HPD: variants seen among roughly 807,000 people sequenced by gnomAD.
HPD encodes 4-hydroxyphenylpyruvic acid oxidase.
HPD carries 35 observed loss-of-function variants against 56.9 expected under a neutral mutation model. The ratio of observed to expected loss-of-function variants is 0.62; its 90% CI spans 0.47 to 0.82. HPD has a LOEUF of 0.82. HPD is among the 40% of genes least tolerant of loss of function. The probability of loss-of-function intolerance (pLI) is 0.00; values close to 1 mark genes in which losing one functional copy is unlikely to be tolerated. For synonymous variants in HPD, 186 were observed against 200.2 expected, an observed-to-expected ratio of 0.93 and a Z score of 0.60; for missense variants, 442 against 506.8, an observed-to-expected ratio of 0.87 and a Z score of 1.23.
upstream of HPD, chr12:121,859,225 G>T: frequency 3.0e-6 from 1 of 332,302 alleles, no homozygotes; most frequent in South Asian, 2.8e-5. Flanking sequence ...TTGGAGACTG[G>T]CCCCAAAGTC....
chr12:121,872,312 C>T, the HPD span, among the ~76,000 whole-genome samples: 1,322 of 150,960 alleles, frequency 8.8e-3, 15 homozygotes, highest in African/African-American at 0.029. Flanking sequence ...CTGCAACCTC[C>T]GCCTCCCAGC....
rs1455892391 is a variant in HPD at position 121,851,958 on chromosome 12, C to T, written c.415-2168G>A. Among the ~76,000 whole-genome samples, 8 of 6,742 alleles carry T rather than the reference C, an allele frequency of 1.2e-3. 4 individuals carry two copies. The South Asian group carries it at 0.039, about 33-fold the overall frequency. 4.4% of individuals were successfully genotyped at this position (6,742 alleles called of 152,430 possible). A position where few individuals can be genotyped will look rare whatever the true frequency, so the allele number is the denominator to read the frequency against. On this transcript the variant is annotated intron_variant, in intron 7 of 13. Coordinates refer to ENST00000289004, the MANE Select transcript of HPD (RefSeq NM_002150.3). Reference sequence around the variant, plus strand: ...CAGGATGGTCTCGATCTCCTGACCTCGTGATCCGCCCGCCTCGGCCTCCCA... The same window carrying T: ...CAGGATGGTCTCGATCTCCTGACCTTGTGATCCGCCCGCCTCGGCCTCCCA...
At chr12:121,858,240 C>T (rs936093991) in intron 2 of HPD, among the ~76,000 whole-genome samples, 5 of 152,118 alleles carry the variant, frequency 3.3e-5, no homozygotes, top group African/African-American at 1.2e-4. Context: ...AATCTTGGCT[C>T]ACTGCAACTT....
At chr12:121,884,354 G>A in the HPD span, among the ~76,000 whole-genome samples, 4 of 151,964 alleles carry the variant, frequency 2.6e-5, no homozygotes, top group South Asian at 8.3e-4. Flanking sequence ...CTAGAGATGG[G>A]GTTTTACTAT....
At chr12:121,840,317 T>C (rs1013748572) in intron 12 of HPD, among the ~76,000 whole-genome samples, 1 of 152,168 alleles carries the variant, frequency 6.6e-6, no homozygotes, top group African/African-American at 2.4e-5. Context: ...TTTTTCTTTT[T>C]TGAGACGGAG....
chr12:121,858,868 A>T, upstream of HPD: 1 of 1,612,730 alleles, frequency 6.2e-7, no homozygotes. Context: ...AGGCCTGGGG[A>T]GTGCTGGGCC....
In HPD at chr12:121,857,335, T is replaced by C; in HGVS notation, c.191A>G (p.Gln64Arg). Residue 64 changes from glutamine to arginine, a missense_variant, in exon 4 of 14, where the codon CAA becomes CGA. By Grantham distance (43) the Gln-to-Arg change is conservative (BLOSUM62 1). Coordinates refer to ENST00000289004, the MANE Select transcript of HPD (RefSeq NM_002150.3). The part of the protein sequence containing the change: ...SREVVSHVIK[Q>R]GKIVFVLSSA... ...CTGGGGGTGGTGACTCACCTTCCCT[T>C]GTTTGATTACATGGCTGACCACCTC... 1.2e-6 allele frequency: 2 copies of C among 1,611,732 alleles called. No homozygotes were observed.
intron 7 of HPD, among the ~76,000 whole-genome samples, chr12:121,851,564 G>A (rs1446666376): frequency 2.0e-5 from 3 of 150,418 alleles, no homozygotes; most frequent in South Asian, 2.1e-4. Context: ...GGCTGGTCTC[G>A]AACTCCTGAA....
In HPD at chr12:121,849,776, T is replaced by C; in HGVS notation, c.429A>G (p.Thr143=). ...FAVLQTYGDT[T]HTLVEKMNYI... Reference sequence around the variant, plus strand: ...AGTTCATCTTCTCCACCAGGGTGTGTGTGGTGTCCCCATACTACGGGTGGA... The same window carrying C: ...AGTTCATCTTCTCCACCAGGGTGTGCGTGGTGTCCCCATACTACGGGTGGA... Residue 143 remains threonine (T), a synonymous_variant, in exon 8 of 14, where the codon ACA becomes ACG. Transcript: ENST00000289004. 6.2e-7 allele frequency: 1 copy of C among 1,613,270 alleles called. No homozygotes were observed. The highest frequency in any genetic ancestry group is 1.3e-5 in the African/African-American group (1 of 74,990).
chr12:121,866,156 C>T (rs981814606), upstream of HPD, among the ~76,000 whole-genome samples: 1 of 151,742 alleles, frequency 6.6e-6, no homozygotes, highest in Non-Finnish European at 1.5e-5. Flanking sequence ...ACAAAATTAG[C>T]CAGGCATGGT....
chr12:121,860,687 A>G (rs887225799), upstream of HPD, among the ~76,000 whole-genome samples: 2 of 152,174 alleles, frequency 1.3e-5, no homozygotes, highest in African/African-American at 4.8e-5. Flanking sequence ...TTGCTCAAGA[A>G]GCTCACTGAT....
At chr12:121,857,722 G>A (rs753060814) in intron 3 of HPD, 35 bp downstream of exon 3, 21 of 1,585,048 alleles carry the variant, frequency 1.3e-5, no homozygotes, top group African/African-American at 4.0e-5. Flanking sequence ...CTGCCCTGCC[G>A]TCTGCTCACT....
chr12:121,857,355 C>T lies in HPD; in HGVS notation c.171G>A (p.Val57=), dbSNP rs755429729. 7 of 1,613,788 alleles carry T rather than the reference C, an allele frequency of 4.3e-6. No individual in the cohort carries two copies. Among genetic ancestry groups the T allele is most frequent in the Non-Finnish European group, 5.9e-6 (7 of 1,179,826 alleles). The change falls in exon 4 of 14, where the codon GTG becomes GTA. Residue 57 remains valine, a synonymous_variant. Transcript: ENST00000289004. ...YRGLETGSRE[V]VSHVIKQGKI... ...TCCCTTGTTTGATTACATGGCTGACCACCTCCCGGGAACCGGTCTCCAGGC... is the reference window on the plus strand; with the variant it reads ...TCCCTTGTTTGATTACATGGCTGACTACCTCCCGGGAACCGGTCTCCAGGC...
chr12:121,851,263 C>G (rs904688166), intron 7 of HPD, among the ~76,000 whole-genome samples: 1 of 152,204 alleles, frequency 6.6e-6, no homozygotes, highest in Non-Finnish European at 1.5e-5. Context: ...ATCCACCCAC[C>G]TTGGCCTCCC....
chr12:121,852,071 G>A (rs181014534), intron 7 of HPD, among the ~76,000 whole-genome samples: 3 of 152,186 alleles, frequency 2.0e-5, no homozygotes, highest in African/African-American at 7.2e-5. Flanking sequence ...CCAGGCTGAA[G>A]TGCAGTGGTG....
At chr12:121,875,307 C>T in the HPD span, among the ~76,000 whole-genome samples, 1 of 152,184 alleles carries the variant, frequency 6.6e-6, no homozygotes, top group Non-Finnish European at 1.5e-5. Context: ...GTTTACCCAC[C>T]CCTGCCTAGG....
chr12:121,864,655 C>T (rs1176764682), upstream of HPD, among the ~76,000 whole-genome samples: 1 of 151,564 alleles, frequency 6.6e-6, no homozygotes, highest in Non-Finnish European at 1.5e-5. Flanking sequence ...AGATCGAGAC[C>T]ATCCTGGCTA....
chr12:121,857,336 G>A lies in HPD; in HGVS notation c.190C>T (p.Gln64Ter). The part of the protein sequence containing the change: ...SREVVSHVIK[Q>*]GKIVFVLSSA... ...TGGGGGTGGTGACTCACCTTCCCTTGTTTGATTACATGGCTGACCACCTCC... is the reference window on the plus strand; with the variant it reads ...TGGGGGTGGTGACTCACCTTCCCTTATTTGATTACATGGCTGACCACCTCC... The change falls in exon 4 of 14, where the codon CAA becomes TAA. Residue 64 changes from glutamine (Q) to a stop codon, truncating the protein, a stop_gained. Transcript: ENST00000289004. LOFTEE classifies it high-confidence loss of function. The A allele has an allele frequency of 6.2e-7, 1 of 1,611,800 alleles. No homozygotes were observed. The highest frequency in any genetic ancestry group is 8.5e-7 in the Non-Finnish European group (1 of 1,177,898).
At chr12:121,842,033 T>G (rs1265878205) in intron 12 of HPD, among the ~76,000 whole-genome samples, 2 of 148,890 alleles carry the variant, frequency 1.3e-5, no homozygotes, top group African/African-American at 2.5e-5. Context: ...CTATAGAGAC[T>G]GAAGGTAGAT....
Sources: gnomAD v4.1 joint callset for allele counts (sites outside exome capture counted in the v4.1 genomes callset) on GRCh38, gnomAD v4.1.1 for gene constraint, MANE v1.5 for transcripts, NCBI Gene and HGNC (gene_info 2026-07-23, HGNC 2026-07-21) for gene names.